Variants in DMD observed in about 807,000 individuals in gnomAD.
DMD encodes the protein mutant dystrophin.
DMD carries 63 observed loss-of-function variants against 330.1 expected under a neutral mutation model. The observed-to-expected ratio is 0.19, with a 90% CI of 0.16 to 0.24. DMD has a LOEUF of 0.24. Ranked by LOEUF, DMD falls within the 10% of genes least tolerant of loss-of-function variation. The probability of loss-of-function intolerance (pLI) is 1.00; values close to 1 mark genes in which losing one functional copy is unlikely to be tolerated. For synonymous variants in DMD, 1,223 were observed against 959.8 expected, an observed-to-expected ratio of 1.27 and a Z score of -5.07; for missense variants, 3,344 against 2,684.1, an observed-to-expected ratio of 1.25 and a Z score of -5.43.
intron 60 of DMD, among the ~76,000 whole-genome samples, chrX:31,396,641 C>A (rs919224200): frequency 6.1e-5 from 6 of 98,933 alleles, no homozygotes; most frequent in Non-Finnish European, 1.2e-4. Flanking sequence ...TGCTTTCAAT[C>A]CTGGACTGTA....
chrX:32,896,945 G>A (rs1476620034), intron 2 of DMD, among the ~76,000 whole-genome samples: 1 of 112,261 alleles, frequency 8.9e-6, no homozygotes, highest in African/African-American at 3.2e-5. Flanking sequence ...TCAGGACAAA[G>A]TGTTTATAGC....
chrX:31,940,575 G>GC (rs757015051), intron 45 of DMD, among the ~76,000 whole-genome samples: 102 of 111,358 alleles, frequency 9.2e-4, no homozygotes, highest in African/African-American at 3.2e-3. Flanking sequence ...AGTGCCCTGG[G>GC]CCCCCCTGAT....
rs35180404 is a variant in DMD, at chrX:32,975,346, CTTTTT to C, written c.93+44788_93+44792del. ...TTTGCTTTTTAAACTTTAAAAAATG[CTTTTT>C]TTTTTTTTTTTTTTTTTTGAAACCC... On this transcript the variant is annotated intron_variant, in intron 2 of 78. Coordinates refer to ENST00000357033, the MANE Select transcript of DMD (RefSeq NM_004006.3). 2.4e-3 allele frequency among the ~76,000 whole-genome samples: 155 copies of C among 64,773 alleles called. 2 individuals carry two copies. Among genetic ancestry groups the C allele is most frequent in the African/African-American group, 8.9e-3 (143 of 16,106 alleles). The allele number at this position is 64,773 out of a possible 115,157, so 56.2% of individuals were successfully genotyped here. A position where few individuals can be genotyped will look rare whatever the true frequency, so the allele number is the denominator to read the frequency against.
intron 7 of DMD, among the ~76,000 whole-genome samples, chrX:32,714,017 T>C (rs768987153): frequency 2.7e-5 from 3 of 111,925 alleles, no homozygotes; most frequent in East Asian, 5.6e-4. Flanking sequence ...GTGTAATGCA[T>C]TGAGCACAGT....
chrX:33,044,207 G>T (rs2094346003), intron 1 of DMD, among the ~76,000 whole-genome samples: 1 of 111,850 alleles, frequency 8.9e-6, no homozygotes, highest in Non-Finnish European at 1.9e-5. Context: ...CGAGGCAGGT[G>T]GATCACTTGA....
rs138180556 is a variant in DMD, at chrX:31,218,221, CT to C, written c.9361+4825del. Among the ~76,000 whole-genome samples, 357 of 97,559 alleles carry C rather than the reference CT, an allele frequency of 3.7e-3. 1 individual carries two copies. Among genetic ancestry groups the C allele is most frequent in the Non-Finnish European group, 5.0e-3 (243 of 48,290 alleles). 84.7% of individuals were successfully genotyped at this position (97,559 alleles called of 115,157 possible). On this transcript the variant is annotated intron_variant, in intron 64 of 78. Transcript: ENST00000357033. ...TTCCATCTGGTCTATTTCTGGGTTT[CT>C]TTTTTTTTTTTTTCCATAGTATAAA...
chrX:31,959,820 A>G (rs1192358269), intron 45 of DMD, among the ~76,000 whole-genome samples: 5 of 97,120 alleles, frequency 5.1e-5, no homozygotes, highest in African/African-American at 2.0e-4. Flanking sequence ...GCTGGAGTGC[A>G]ATGGCATGAT....
At position 31,993,930 on chromosome X, in the gene DMD, G is replaced by A. The variant is rs192898287; in HGVS notation, c.6439-25416C>T. On this transcript the variant is annotated intron_variant, in intron 44 of 78. Coordinates refer to ENST00000357033, the MANE Select transcript of DMD (RefSeq NM_004006.3). ...ACCACGGGCTGGAAGAGTTTGTCAA[G>A]AATGATAACGGGCATTGAAGCATCA... 5.4e-5 allele frequency among the ~76,000 whole-genome samples: 6 copies of A among 111,586 alleles called. No homozygotes were observed. The East Asian group carries it at 1.7e-3, about 32-fold the overall frequency.
At chrX:32,893,319 G>C (rs1048532147) in intron 2 of DMD, among the ~76,000 whole-genome samples, 1 of 111,711 alleles carries the variant, frequency 9.0e-6, no homozygotes, top group African/African-American at 3.3e-5. Flanking sequence ...ACAAAAGCCC[G>C]TATTTAGAGC....
At chrX:31,575,354 A>G (rs1233628473) in intron 55 of DMD, among the ~76,000 whole-genome samples, 1 of 111,536 alleles carries the variant, frequency 9.0e-6, no homozygotes, top group East Asian at 2.8e-4. Flanking sequence ...GAGACAGTTG[A>G]AAAAAAAGCC....
chrX:32,612,712 A>G (rs1325165718), intron 12 of DMD, among the ~76,000 whole-genome samples: 1 of 111,515 alleles, frequency 9.0e-6, no homozygotes, highest in East Asian at 2.8e-4. Flanking sequence ...CAGGTGCTCA[A>G]TTAGTATCTA....
At chrX:33,084,648 C>G (rs2094978208) in intron 1 of DMD, among the ~76,000 whole-genome samples, 1 of 111,137 alleles carries the variant, frequency 9.0e-6, no homozygotes, top group African/African-American at 3.3e-5. Context: ...TGCAAATTAT[C>G]TCAAGCACTG....
chrX:32,145,991 T>A (rs2096776305), intron 44 of DMD, among the ~76,000 whole-genome samples: 1 of 111,976 alleles, frequency 8.9e-6, no homozygotes, highest in Non-Finnish European at 1.9e-5. Context: ...ATAAAAATAG[T>A]AACCTCATAG....
At chrX:33,108,233 C>T (rs2095308424) in intron 1 of DMD, among the ~76,000 whole-genome samples, 1 of 109,769 alleles carries the variant, frequency 9.1e-6, no homozygotes, top group African/African-American at 3.3e-5. Context: ...TAAGCTAATA[C>T]AAAATAATAC....
chrX:33,283,776 T>G (rs1253177761), intron 1 of DMD, among the ~76,000 whole-genome samples: 1 of 110,682 alleles, frequency 9.0e-6, no homozygotes, highest in Non-Finnish European at 1.9e-5. Context: ...CCCAGTACTT[T>G]GGGAGGCCGA....
intron 44 of DMD, among the ~76,000 whole-genome samples, chrX:32,076,712 A>T (rs757318889): frequency 2.7e-5 from 3 of 111,418 alleles, no homozygotes; most frequent in Non-Finnish European, 5.7e-5. Flanking sequence ...TGCAGCAAAG[A>T]ACATTCTAGG....
chrX:32,270,889 T>C (rs2097362819), intron 43 of DMD, among the ~76,000 whole-genome samples: 1 of 111,680 alleles, frequency 9.0e-6, no homozygotes, highest in Non-Finnish European at 1.9e-5. Context: ...TCACACAGCA[T>C]TATTGTGGTT....
chrX:31,741,102 C>T (rs1227579317), intron 51 of DMD, among the ~76,000 whole-genome samples: 1 of 111,957 alleles, frequency 8.9e-6, no homozygotes, highest in Non-Finnish European at 1.9e-5. Context: ...CTTGAGATTA[C>T]AGCTATTCAG....
intron 30 of DMD, among the ~76,000 whole-genome samples, chrX:32,393,474 T>C (rs1475393372): frequency 1.8e-5 from 2 of 111,833 alleles, no homozygotes; most frequent in African/African-American, 6.5e-5. Context: ...TAATCACAGA[T>C]AACAGTAGTT....
Sources: allele counts gnomAD v4.1 joint callset (sites outside exome capture counted in the v4.1 genomes callset), GRCh38; gene constraint gnomAD v4.1.1; transcripts MANE v1.5; gene names NCBI Gene and HGNC (gene_info 2026-07-23, HGNC 2026-07-21).